Variants in ARL13B observed in about 807,000 individuals in gnomAD.
The protein encoded by ARL13B is ARF like GTPase 13B, also known as ADP-ribosylation factor-like protein 13B.
Under a neutral mutation model 56.1 loss-of-function variants are expected in ARL13B, and 36 were observed. The observed-to-expected ratio is 0.64, with a 90% CI of 0.49 to 0.85. ARL13B has a LOEUF of 0.85. Ranked by LOEUF, ARL13B falls within the 40% of genes least tolerant of loss-of-function variation. The pLI, the probability that ARL13B is intolerant of heterozygous loss-of-function variation, is 0.00. For missense variants in ARL13B, 519 were observed against 507.1 expected (o/e 1.02, Z -0.23); for synonymous variants, 178 against 171.1 (o/e 1.04, Z -0.32).
intron 3 of ARL13B, among the ~76,000 whole-genome samples, chr3:94,022,660 T>G (rs2076472695): frequency 6.6e-6 from 1 of 152,092 alleles, no homozygotes; most frequent in Non-Finnish European, 1.5e-5. Flanking sequence ...TTTAAATTAT[T>G]TCTAAGTTTT....
At chr3:93,994,799 A>ATT (rs143330816) in intron 1 of ARL13B, among the ~76,000 whole-genome samples, 11 of 143,990 alleles carry the variant, frequency 7.6e-5, no homozygotes, top group African/African-American at 2.3e-4. Flanking sequence ...AGTACACCTG[A>ATT]TTTTTTTTTT....
chr3:94,036,928 C>T (rs2076779589), intron 5 of ARL13B, among the ~76,000 whole-genome samples, 174 bp downstream of exon 5: 2 of 152,106 alleles, frequency 1.3e-5, no homozygotes, highest in Admixed American at 1.3e-4. Flanking sequence ...TGGTAGATTC[C>T]TAATTTTTCT....
rs1321609526 is a variant in ARL13B at position 94,055,467 on chromosome 3, T to C, written c.*2204T>C. On this transcript the variant is annotated 3_prime_UTR_variant, in exon 10 of 10. Coordinates refer to ENST00000394222, the MANE Select transcript of ARL13B (RefSeq NM_001174150.2). ...GTTTTTATGTATGTGGGAAAGAATT[T>C]GTGATTTTAAATGCAGCTACAAATA... The C allele has an allele frequency of 6.6e-6, 3 of 453,808 alleles. No homozygotes were observed. In the Admixed American group the frequency reaches 7.0e-5, roughly 11 times the overall value. 28.1% of individuals were successfully genotyped at this position (453,808 alleles called of 1,614,324 possible).
Position 94,043,221 on chromosome 3 carries a change from C to A in ARL13B, c.1005C>A (p.Asp335Glu). 1 of 1,612,902 alleles carries A rather than the reference C, an allele frequency of 6.2e-7. No homozygotes were observed. Among genetic ancestry groups the A allele is most frequent in the Non-Finnish European group, 8.5e-7 (1 of 1,179,586 alleles). ...TQQLKNEDET[D>E]RPSLESANGK... ...AGTTAAAGAATGAAGATGAGACAGACCGGCCATCATTGGAATCAGGTAATA... is the reference window on the plus strand; with the variant it reads ...AGTTAAAGAATGAAGATGAGACAGAACGGCCATCATTGGAATCAGGTAATA... Residue 335 changes from aspartate to glutamate, a missense_variant, in exon 7 of 10, where the codon GAC (aspartate) becomes GAA (glutamate). By Grantham distance (45) the Asp-to-Glu change is conservative. Transcript: ENST00000394222.
intron 1 of ARL13B, among the ~76,000 whole-genome samples, chr3:93,986,795 C>G (rs1277115587): frequency 6.6e-6 from 1 of 151,974 alleles, no homozygotes; most frequent in Non-Finnish European, 1.5e-5. Flanking sequence ...ATAGTGAAAC[C>G]CTGTCTCTAC....
intron 2 of ARL13B, among the ~76,000 whole-genome samples, chr3:94,003,068 T>A (rs539348057): frequency 6.6e-6 from 1 of 152,298 alleles, no homozygotes; most frequent in South Asian, 2.1e-4. Context: ...TCCAAAAAAA[T>A]TCAATTATGT....
intron 1 of ARL13B, among the ~76,000 whole-genome samples, chr3:93,993,031 C>A (rs1367749638): frequency 1.3e-5 from 2 of 151,584 alleles, no homozygotes; most frequent in Non-Finnish European, 2.9e-5. Context: ...TCTCGAACGC[C>A]TGAGCTCGAG....
intron 3 of ARL13B, chr3:94,014,293 G>A: frequency 1.8e-6 from 2 of 1,098,056 alleles, no homozygotes; most frequent in Non-Finnish European, 2.5e-6. Context: ...AGGTATGTGA[G>A]TGGATCCATG....
intron 3 of ARL13B, among the ~76,000 whole-genome samples, chr3:94,004,364 T>C (rs1353763437): frequency 6.6e-6 from 1 of 152,180 alleles, no homozygotes; most frequent in Non-Finnish European, 1.5e-5. Context: ...CATTTCCATA[T>C]TGGACATGTG....
intron 3 of ARL13B, among the ~76,000 whole-genome samples, chr3:94,008,085 A>G (rs575146051): frequency 7.5e-4 from 114 of 152,290 alleles, no homozygotes; most frequent in African/African-American, 2.7e-3. Context: ...GTATTCAGCT[A>G]TGTAGAGTGG....
chr3:94,054,780 G>A lies in ARL13B; in HGVS notation c.*1517G>A. ...ATGGGACTTAGCAACCACACTGAGT[G>A]AGGTAAAAGCATTTGATTTCAGATC... On this transcript the variant is annotated 3_prime_UTR_variant, in exon 10 of 10. Transcript: ENST00000394222. The A allele has an allele frequency of 2.4e-6, 1 of 411,772 alleles. No homozygotes were observed. Among genetic ancestry groups the A allele is most frequent in the South Asian group, 1.8e-5 (1 of 55,586 alleles). The allele number at this position is 411,772 out of a possible 1,614,324, so 25.5% of individuals were successfully genotyped here. A position where few individuals can be genotyped will look rare whatever the true frequency, so the allele number is the denominator to read the frequency against.
Position 93,980,422 on chromosome 3 carries a change from G to A in ARL13B, c.-2G>A. On this transcript the variant is annotated 5_prime_UTR_variant, in exon 1 of 10. Transcript: ENST00000394222. ...GGGAAGTGGTGGGAGGAGCGACCCG[G>A]GATGTTCAGTCTGATGGCCAGTTGC... is the stretch of plus-strand genomic sequence containing the variant. 1.2e-6 allele frequency: 2 copies of A among 1,612,390 alleles called. No homozygotes were observed. Among genetic ancestry groups the A allele is most frequent in the Non-Finnish European group, 1.7e-6 (2 of 1,179,978 alleles).
rs767905644 is a variant in ARL13B at position 94,036,603 on chromosome 3, A to G, written c.538A>G (p.Lys180Glu). The G allele has an allele frequency of 2.5e-6, 4 of 1,613,958 alleles. No individual in the cohort carries two copies. Among genetic ancestry groups the G allele is most frequent in the South Asian group, 1.1e-5 (1 of 91,068 alleles). ...TGGAAAGAAAATTGACAAGTCCATT[A>G]AAAAAGGCCTTTATTGGCTGCTACA... ...GYGKKIDKSI[K>E]KGLYWLLHVI... Residue 180 changes from lysine (K) to glutamate (E), a missense_variant, in exon 5 of 10, where the codon AAA becomes GAA. Lys to Glu is a moderately conservative substitution (Grantham distance 56). Coordinates refer to ENST00000394222, the MANE Select transcript of ARL13B (RefSeq NM_001174150.2).
At chr3:94,020,105 G>A (rs2076416851) in intron 3 of ARL13B, among the ~76,000 whole-genome samples, 1 of 152,046 alleles carries the variant, frequency 6.6e-6, no homozygotes, top group Non-Finnish European at 1.5e-5. Flanking sequence ...TTAACTCCAT[G>A]AGATCAAGGG....
chr3:93,993,642 A>ATTTTTT (rs1237570683), intron 1 of ARL13B, among the ~76,000 whole-genome samples: 1 of 152,184 alleles, frequency 6.6e-6, no homozygotes, highest in Non-Finnish European at 1.5e-5. Context: ...CATTTACTAT[A>ATTTTTT]TTTTGTTTTG....
chr3:94,002,670 G>C (rs2076073264), intron 2 of ARL13B, among the ~76,000 whole-genome samples: 1 of 152,020 alleles, frequency 6.6e-6, no homozygotes, highest in South Asian at 2.1e-4. Context: ...CTGAAAAGAG[G>C]CTATTACTGT....
chr3:93,996,017 T>C, intron 2 of ARL13B, 73 bp downstream of exon 2: 1 of 1,446,374 alleles, frequency 6.9e-7, no homozygotes, highest in Non-Finnish European at 9.6e-7. Flanking sequence ...GTTAAGTTGC[T>C]TTATTCCTTA....
intron 3 of ARL13B, among the ~76,000 whole-genome samples, chr3:94,029,334 A>ATT (rs71105171): frequency 1.8e-3 from 96 of 53,360 alleles, no homozygotes; most frequent in African/African-American, 3.7e-3. Context: ...ATATATATAT[A>ATT]TTTATTTTTT....
chr3:94,029,000 A>G (rs183463315), intron 3 of ARL13B, among the ~76,000 whole-genome samples: 17 of 152,114 alleles, frequency 1.1e-4, no homozygotes, highest in Non-Finnish European at 1.6e-4. Flanking sequence ...TCCAGGAAAG[A>G]GCTCATGTCT....
Sources: gnomAD v4.1 joint callset for allele counts (sites outside exome capture counted in the v4.1 genomes callset) on GRCh38, gnomAD v4.1.1 for gene constraint, MANE v1.5 for transcripts, NCBI Gene and HGNC (gene_info 2026-07-23, HGNC 2026-07-21) for gene names.